The following KPNA6 variants were observed in gnomAD, a reference collection of about 807,000 sequenced individuals.
KPNA6 encodes the protein importin subunit alpha-7.
In KPNA6, 9 loss-of-function variants were observed where a neutral mutation model predicts 72.0. That is an observed-to-expected ratio of 0.13 (90% CI 0.08 to 0.22). The LOEUF (loss-of-function observed/expected upper bound fraction) is 0.22. Among genes scored for constraint, KPNA6 ranks in the 10% least tolerant of loss-of-function variants. The pLI, the probability that KPNA6 is intolerant of heterozygous loss-of-function variation, is 1.00. For missense variants in KPNA6, 374 were observed against 655.7 expected (o/e 0.57, Z 4.69); for synonymous variants, 219 against 242.1 (o/e 0.90, Z 0.89).
At position 32,158,318 on chromosome 1, in the gene KPNA6, G is replaced by T; in HGVS notation, c.383G>T (p.Arg128Leu). The change falls in exon 5 of 14, where the codon CGG becomes CTG. Residue 128 changes from arginine to leucine, a missense_variant. Physicochemically the swap from Arg to Leu is moderately radical, Grantham distance 102. This residue lies in a region of KPNA6 where 298 missense variants were observed against 495.4 expected (regional missense o/e 0.60). Transcript: ENST00000373625. ...EVINTPRVVD[R>L]FVEFLKRNEN... ...ATCAACACTCCAAGAGTGGTGGATC[G>T]GTTCGTGGAGTTTCTGAAGAGGAAT... is the stretch of plus-strand genomic sequence containing the variant. 6.2e-7 allele frequency: 1 copy of T among 1,613,604 alleles called. No homozygotes were observed. The highest frequency in any genetic ancestry group is 8.5e-7 in the Non-Finnish European group (1 of 1,179,528).
chr1:32,129,623 A>G (rs975083171), intron 1 of KPNA6, among the ~76,000 whole-genome samples: 7 of 152,078 alleles, frequency 4.6e-5, no homozygotes, highest in Admixed American at 1.3e-4. Flanking sequence ...TAGCGCCATC[A>G]TAGCTCACTG....
chr1:32,176,115 C>G lies in KPNA6; in HGVS notation c.*5221C>G, dbSNP rs1642523898. The G allele has an allele frequency of 6.6e-6, 1 of 151,768 alleles. No homozygotes were observed. Among genetic ancestry groups the G allele is most frequent in the African/African-American group, 2.4e-5 (1 of 41,302 alleles). 9.4% of individuals were successfully genotyped at this position (151,768 alleles called of 1,614,324 possible). Reference sequence around the variant, plus strand: ...TTGTCTCAAAAAAAAAAGTCCACATCTTCATGAACCCTCAGACTCTGGAGT... The same window carrying G: ...TTGTCTCAAAAAAAAAAGTCCACATGTTCATGAACCCTCAGACTCTGGAGT... On this transcript the variant is annotated 3_prime_UTR_variant, in exon 14 of 14. Transcript: ENST00000373625.
intron 1 of KPNA6, among the ~76,000 whole-genome samples, chr1:32,145,060 C>A (rs1641906834): frequency 1.3e-5 from 2 of 151,354 alleles, no homozygotes; most frequent in Non-Finnish European, 2.9e-5. Flanking sequence ...TCATGCCATT[C>A]TTCTGCCTCA....
rs1214679016 is a variant in KPNA6, at chr1:32,174,302, T to C, written c.*3408T>C. The C allele has an allele frequency of 1.3e-5, 2 of 152,292 alleles. No individual in the cohort carries two copies. Among genetic ancestry groups the C allele is most frequent in the African/African-American group, 4.8e-5 (2 of 41,444 alleles). 9.4% of individuals were successfully genotyped at this position (152,292 alleles called of 1,614,324 possible). On this transcript the variant is annotated 3_prime_UTR_variant, in exon 14 of 14. Transcript: ENST00000373625. ...GGAGCCCTGTTTTTTGGAGCTGAAC[T>C]GCACAGATTATAGCTGCTATTGTAC...
chr1:32,160,475 G>A, intron 6 of KPNA6, 140 bp from the exon 7 acceptor site: 1 of 655,744 alleles, frequency 1.5e-6, no homozygotes, highest in Non-Finnish European at 2.8e-6. Flanking sequence ...TCAATAGGGA[G>A]GTTACCTGAG....
At position 32,176,039 on chromosome 1, in the gene KPNA6, G is replaced by T. The variant is rs60699151; in HGVS notation, c.*5145G>T. 2.6e-5 allele frequency: 4 copies of T among 152,178 alleles called. No homozygotes were observed. The highest frequency in any genetic ancestry group is 5.9e-5 in the Non-Finnish European group (4 of 68,052). 9.4% of individuals were successfully genotyped at this position (152,178 alleles called of 1,614,324 possible). A position where few individuals can be genotyped will look rare whatever the true frequency, so the allele number is the denominator to read the frequency against. ...GAGAATCTCTTGAACCTAGGAGGCA[G>T]AGGTTGCAGTGAGCCAAGATTGTGC... On this transcript the variant is annotated 3_prime_UTR_variant, in exon 14 of 14. Coordinates refer to ENST00000373625, the MANE Select transcript of KPNA6 (RefSeq NM_012316.5).
intron 12 of KPNA6, among the ~76,000 whole-genome samples, chr1:32,168,819 C>T (rs1464972061): frequency 1.3e-5 from 2 of 152,162 alleles, no homozygotes; most frequent in Non-Finnish European, 2.9e-5. Flanking sequence ...AGCATCCAGG[C>T]TGGGCTGGGC....
chr1:32,165,705 A>G (rs1284119485), intron 10 of KPNA6, among the ~76,000 whole-genome samples: 1 of 151,212 alleles, frequency 6.6e-6, no homozygotes. Flanking sequence ...CTATTTAAAG[A>G]AAAAAAATGA....
At chr1:32,151,602 C>T (rs999915534) in intron 1 of KPNA6, among the ~76,000 whole-genome samples, 8 of 152,158 alleles carry the variant, frequency 5.3e-5, no homozygotes, top group South Asian at 2.1e-4. Context: ...GTGAGATTTC[C>T]GTGGTGCTGT....
intron 2 of KPNA6, among the ~76,000 whole-genome samples, chr1:32,155,326 C>CTTTTTTTTTT (rs1313895233): frequency 1.5e-5 from 2 of 133,358 alleles, no homozygotes; most frequent in Non-Finnish European, 3.3e-5. Flanking sequence ...TTTTTTTTTT[C>CTTTTTTTTTT]TTTTTTTTTT....
intron 1 of KPNA6, chr1:32,142,916 C>T: frequency 7.8e-7 from 1 of 1,282,114 alleles, no homozygotes; most frequent in South Asian, 1.2e-5. Flanking sequence ...ACCATGGTGA[C>T]TAAAGAAGCT....
At chr1:32,108,742 G>A (rs1641192410) in intron 1 of KPNA6, among the ~76,000 whole-genome samples, 1 of 152,230 alleles carries the variant, frequency 6.6e-6, no homozygotes, top group African/African-American at 2.4e-5. Flanking sequence ...GGCATCGCTT[G>A]TGATGGTAGA....
In KPNA6 at chr1:32,172,906, A is replaced by G. The variant is rs1264871437; in HGVS notation, c.*2012A>G. The G allele has an allele frequency of 2.5e-6, 1 of 395,092 alleles. No individual in the cohort carries two copies. Among genetic ancestry groups the G allele is most frequent in the Admixed American group, 4.4e-5 (1 of 22,570 alleles). The allele number at this position is 395,092 out of a possible 1,614,324, so 24.5% of individuals were successfully genotyped here. A position where few individuals can be genotyped will look rare whatever the true frequency, so the allele number is the denominator to read the frequency against. ...CCTTCTGCTTATAGACCTAAAGTTC[A>G]GGTACTTATTATTGGCCATTGATCT... is the stretch of plus-strand genomic sequence containing the variant. On this transcript the variant is annotated 3_prime_UTR_variant, in exon 14 of 14. Coordinates refer to ENST00000373625, the MANE Select transcript of KPNA6 (RefSeq NM_012316.5).
chr1:32,166,079 T>G (rs752718806), intron 10 of KPNA6, 26 bp from the exon 11 acceptor site: 1 of 1,570,964 alleles, frequency 6.4e-7, no homozygotes, highest in Non-Finnish European at 8.6e-7. Flanking sequence ...ATTTTTCTTT[T>G]GTTTCCTGTG....
At chr1:32,141,082 G>A (rs993719145) in intron 1 of KPNA6, among the ~76,000 whole-genome samples, 11 of 152,102 alleles carry the variant, frequency 7.2e-5, no homozygotes, top group Admixed American at 2.0e-4. Context: ...GTCCATACAT[G>A]TACTTCAGGT....
chr1:32,153,571 CAAAAAAAAAAAAA>C (rs554895996), intron 1 of KPNA6, among the ~76,000 whole-genome samples: 1 of 60,448 alleles, frequency 1.7e-5, no homozygotes, highest in Non-Finnish European at 3.8e-5. Context: ...AACTCTGTCT[CAAAAAAAAAAAAA>C]AAAAAAGAAG....
chr1:32,121,439 A>G (rs1047871423), intron 1 of KPNA6, among the ~76,000 whole-genome samples: 2 of 152,214 alleles, frequency 1.3e-5, no homozygotes, highest in Non-Finnish European at 2.9e-5. Context: ...TTCAAAAATC[A>G]GTTGAATGTA....
At chr1:32,116,355 A>G (rs187567139) in intron 1 of KPNA6, among the ~76,000 whole-genome samples, 1 of 150,908 alleles carries the variant, frequency 6.6e-6, no homozygotes, top group East Asian at 2.0e-4. Context: ...AGTACTTTTC[A>G]TTTCCTTCAA....
chr1:32,118,990 G>GTGTGTGTGTA (rs1641374555), intron 1 of KPNA6, among the ~76,000 whole-genome samples: 1 of 111,504 alleles, frequency 9.0e-6, no homozygotes, highest in South Asian at 2.8e-4. Flanking sequence ...GTGTGTGTGT[G>GTGTGTGTGTA]TGTATACATA....
Sources: gnomAD v4.1 joint callset for allele counts (sites outside exome capture counted in the v4.1 genomes callset) on GRCh38, gnomAD v4.1.1 for gene constraint, gnomAD v4.1.1 regional missense constraint, MANE v1.5 for transcripts, NCBI Gene and HGNC (gene_info 2026-07-23, HGNC 2026-07-21) for gene names.